Variants in COBL observed in about 807,000 individuals in gnomAD.
COBL encodes cordon-bleu WH2 repeat protein.
In COBL, 51 loss-of-function variants were observed where a neutral mutation model predicts 98.8. The observed-to-expected ratio is 0.52, with a 90% CI of 0.41 to 0.65. The LOEUF (loss-of-function observed/expected upper bound fraction) is 0.65, where lower values mean the gene tolerates loss of function less well. COBL is among the 30% of genes least tolerant of loss of function. The pLI, the probability that COBL is intolerant of heterozygous loss-of-function variation, is 0.00. For synonymous variants in COBL, 634 were observed against 651.7 expected, an observed-to-expected ratio of 0.97 and a Z score of 0.41; for missense variants, 1,617 against 1,617.5, an observed-to-expected ratio of 1.00 and a Z score of 0.01.
intron 1 of COBL, among the ~76,000 whole-genome samples, chr7:51,267,886 T>C (rs1798368560): frequency 6.6e-6 from 1 of 152,168 alleles, no homozygotes; most frequent in Non-Finnish European, 1.5e-5. Flanking sequence ...AAAAAGAACT[T>C]TGGAAAGAAA....
intron 1 of COBL, among the ~76,000 whole-genome samples, chr7:51,239,022 A>G (rs939045550): frequency 1.2e-4 from 18 of 152,258 alleles, no homozygotes; most frequent in Non-Finnish European, 2.1e-4. Flanking sequence ...TAAATAAAAT[A>G]CATTAAAAAT....
intron 6 of COBL, among the ~76,000 whole-genome samples, chr7:51,129,863 G>C (rs1562946049): frequency 1.3e-5 from 2 of 152,180 alleles, no homozygotes; most frequent in South Asian, 4.1e-4. Context: ...ACATGACCCT[G>C]TCTCTGTTTA....
chr7:51,221,711 T>C (rs756140602), intron 1 of COBL, among the ~76,000 whole-genome samples: 1 of 152,224 alleles, frequency 6.6e-6, no homozygotes, highest in Non-Finnish European at 1.5e-5. Flanking sequence ...GTATGACATA[T>C]GTTTTGCTAT....
chr7:51,233,773 A>G (rs1230967091), intron 1 of COBL, among the ~76,000 whole-genome samples: 2 of 152,218 alleles, frequency 1.3e-5, no homozygotes, highest in African/African-American at 4.8e-5. Flanking sequence ...GGACGTTTTC[A>G]GGATGTGCAC....
chr7:51,175,559 A>G (rs2129046515), intron 5 of COBL, among the ~76,000 whole-genome samples: 1 of 152,392 alleles, frequency 6.6e-6, no homozygotes, highest in South Asian at 2.1e-4. Context: ...TTCTTGGGAC[A>G]TACCACAACA....
At chr7:51,120,785 C>T (rs555491215) in intron 6 of COBL, among the ~76,000 whole-genome samples, 4 of 152,284 alleles carry the variant, frequency 2.6e-5, no homozygotes, top group African/African-American at 9.6e-5. Context: ...ATGATGTCTT[C>T]AAGGTACATC....
chr7:51,265,210 G>A (rs1798093936), intron 1 of COBL, among the ~76,000 whole-genome samples: 2 of 152,216 alleles, frequency 1.3e-5, no homozygotes, highest in South Asian at 4.1e-4. Flanking sequence ...CAGCCTCACT[G>A]CTGCTTTACA....
At chr7:51,186,736 G>A (rs1180037519) in intron 4 of COBL, among the ~76,000 whole-genome samples, 1 of 152,222 alleles carries the variant, frequency 6.6e-6, no homozygotes, top group African/African-American at 2.4e-5. Flanking sequence ...ATTTTTAGAG[G>A]TGAGGCTTTG....
chr7:51,051,306 CTG>C (rs898278026), intron 7 of COBL, among the ~76,000 whole-genome samples: 1 of 152,258 alleles, frequency 6.6e-6, no homozygotes, highest in Admixed American at 6.5e-5. Flanking sequence ...AAAATTTTAT[CTG>C]TGGATTTTTA....
Position 51,273,327 on chromosome 7 carries a change from CAAAAAAAA to C in COBL, c.41+43258_41+43265del, listed in dbSNP as rs953811880. ...TGGGCAACAGAATAAGACTCCATCT[CAAAAAAAA>C]AAAAAAAAAAAGAAAAAGAAAAGAA... On this transcript the variant is annotated intron_variant, in intron 1 of 12. Coordinates refer to ENST00000265136, the MANE Select transcript of COBL (RefSeq NM_015198.5). Among the ~76,000 whole-genome samples, 409 of 59,502 alleles carry C rather than the reference CAAAAAAAA, an allele frequency of 6.9e-3. 4 individuals are homozygous for C. Among genetic ancestry groups the C allele is most frequent in the African/African-American group, 0.018 (365 of 20,292 alleles). The allele number at this position is 59,502 out of a possible 152,430, so 39.0% of individuals were successfully genotyped here. A position where few individuals can be genotyped will look rare whatever the true frequency, so the allele number is the denominator to read the frequency against.
At chr7:51,022,894 T>C (rs1381608333) in intron 12 of COBL, 1 of 152,216 alleles carries the variant, frequency 6.6e-6, no homozygotes, top group African/African-American at 2.4e-5. Context: ...GTAAAGTCAC[T>C]TGGATAGCAA....
chr7:51,093,707 A>G (rs1795017728), intron 6 of COBL, among the ~76,000 whole-genome samples: 1 of 152,114 alleles, frequency 6.6e-6, no homozygotes. Flanking sequence ...CCTGGGCAAC[A>G]CTGCAAGACC....
intron 1 of COBL, among the ~76,000 whole-genome samples, chr7:51,258,555 T>G (rs1356649328): frequency 6.6e-6 from 1 of 152,240 alleles, no homozygotes; most frequent in East Asian, 1.9e-4. Context: ...CTACTGTCTT[T>G]TCTTTGACCC....
Position 51,026,652 on chromosome 7 carries a change from G to A in COBL, c.3398C>T (p.Thr1133Ile). 6.2e-7 allele frequency: 1 copy of A among 1,613,946 alleles called. No homozygotes were observed. ...KDRLRKTAEH[T>I]GEGRPAKLSY... ...CAGTTTCGCTGGCCTGCCCTCCCCG[G>A]TGTGTTCTGCCGTCTAGAATATTAA... The change falls in exon 11 of 13, where the codon ACC becomes ATC. Residue 1133 changes from threonine to isoleucine, a missense_variant. By Grantham distance (89) the Thr-to-Ile change is moderately conservative. Coordinates refer to ENST00000265136, the MANE Select transcript of COBL (RefSeq NM_015198.5).
At chr7:51,074,191 ATTTTTTT>A (rs369421469) in intron 7 of COBL, among the ~76,000 whole-genome samples, 1 of 100,494 alleles carries the variant, frequency 1.0e-5, no homozygotes, top group Non-Finnish European at 1.8e-5. Flanking sequence ...CAAGGTAATG[ATTTTTTT>A]TTTTTTTTTT....
intron 2 of COBL, among the ~76,000 whole-genome samples, chr7:51,214,272 AAAATAAATAAATAAATAAATAAAT>A (rs34766805): frequency 7.1e-6 from 1 of 140,218 alleles, no homozygotes; most frequent in African/African-American, 2.6e-5. Context: ...TCATCTATTA[AAAATAAATAAATAAATAAATAAAT>A]AAATAAATAA....
chr7:51,306,416 C>G (rs772727085), intron 1 of COBL, among the ~76,000 whole-genome samples: 10 of 152,080 alleles, frequency 6.6e-5, no homozygotes, highest in Non-Finnish European at 1.5e-4. Flanking sequence ...ATTTGTGGGT[C>G]TGGGTTCTGT....
chr7:51,206,850 T>A (rs1290395511), intron 2 of COBL, among the ~76,000 whole-genome samples: 1 of 151,678 alleles, frequency 6.6e-6, no homozygotes, highest in Non-Finnish European at 1.5e-5. Context: ...AACAGAAGAG[T>A]GGTTGCAGGG....
intron 12 of COBL, among the ~76,000 whole-genome samples, chr7:51,019,206 G>T (rs1218215198): frequency 6.6e-6 from 1 of 151,678 alleles, no homozygotes; most frequent in African/African-American, 2.4e-5. Context: ...CTCCAAGATG[G>T]TGGTATTAGG....
Sources: gnomAD v4.1 joint callset for allele counts (sites outside exome capture counted in the v4.1 genomes callset) on GRCh38, gnomAD v4.1.1 for gene constraint, MANE v1.5 for transcripts, NCBI Gene and HGNC (gene_info 2026-07-23, HGNC 2026-07-21) for gene names.